The following IQSEC1 variants were observed in gnomAD, a reference collection of about 807,000 sequenced individuals.
The protein encoded by IQSEC1 is IQ motif and SEC7 domain-containing protein 1.
A neutral mutation model predicts 91.0 loss-of-function variants in IQSEC1; 31 were observed. The observed-to-expected ratio is 0.34, with a 90% CI of 0.26 to 0.46. The LOEUF is 0.46. IQSEC1 is among the 20% of genes least tolerant of loss of function. The pLI is 1.00. For missense variants in IQSEC1, 1,388 were observed against 1,575.6 expected, an observed-to-expected ratio of 0.88 and a Z score of 2.02; for synonymous variants, 699 against 662.6, an observed-to-expected ratio of 1.05 and a Z score of -0.84.
intron 1 of IQSEC1, among the ~76,000 whole-genome samples, chr3:13,023,129 T>C (rs537731343): frequency 4.9e-4 from 74 of 152,324 alleles, no homozygotes; most frequent in African/African-American, 1.7e-3. Flanking sequence ...GATTTGAACC[T>C]TGGCAGTCTG....
intron 1 of IQSEC1, among the ~76,000 whole-genome samples, chr3:13,215,972 A>C (rs1694539019): frequency 6.6e-6 from 1 of 152,228 alleles, no homozygotes; most frequent in African/African-American, 2.4e-5. Context: ...TCACAGCCAA[A>C]GTCTGCTTCT....
At chr3:13,133,752 A>C (rs1242322458) in intron 2 of IQSEC1, among the ~76,000 whole-genome samples, 1 of 152,242 alleles carries the variant, frequency 6.6e-6, no homozygotes, top group Non-Finnish European at 1.5e-5. Flanking sequence ...TCTCTCCCCA[A>C]GGGGATGCTG....
At chr3:12,950,996 G>A (rs1699507375) in intron 1 of IQSEC1, among the ~76,000 whole-genome samples, 1 of 152,158 alleles carries the variant, frequency 6.6e-6, no homozygotes, top group Non-Finnish European at 1.5e-5. Flanking sequence ...TGTAGTCCTG[G>A]CTACTCAGGA....
chr3:13,204,173 G>A lies in IQSEC1; in HGVS notation c.273-40040C>T, dbSNP rs28477332. 8.5e-5 allele frequency among the ~76,000 whole-genome samples: 13 copies of A among 152,276 alleles called. No individual in the cohort carries two copies. The East Asian group carries it at 2.5e-3, about 29-fold the overall frequency. ...CCAAGCCCAGGGAGAGCTGCGGAGA[G>A]CTGCGGAGAGCTGGGGCCCCGCGTG... On this transcript the variant is annotated intron_variant, in intron 1 of 15. Coordinates refer to the IQSEC1 transcript ENST00000648114.
intron 1 of IQSEC1, among the ~76,000 whole-genome samples, chr3:13,045,154 G>A (rs1033804531): frequency 6.6e-6 from 1 of 152,230 alleles, no homozygotes; most frequent in Non-Finnish European, 1.5e-5. Flanking sequence ...CTGCACCGCT[G>A]TTCCCACCAG....
At chr3:13,110,950 G>C (rs1706235416) in intron 2 of IQSEC1, among the ~76,000 whole-genome samples, 1 of 152,228 alleles carries the variant, frequency 6.6e-6, no homozygotes, top group African/African-American at 2.4e-5. Flanking sequence ...TACCGCACCA[G>C]CTGTCACCCC....
At chr3:13,045,246 C>T (rs1704451036) in intron 1 of IQSEC1, among the ~76,000 whole-genome samples, 1 of 152,230 alleles carries the variant, frequency 6.6e-6, no homozygotes, top group Non-Finnish European at 1.5e-5. Context: ...TGTCTATTCC[C>T]TTCACCTGGA....
At chr3:13,089,657 T>C (rs1277383848) in intron 2 of IQSEC1, among the ~76,000 whole-genome samples, 1 of 152,200 alleles carries the variant, frequency 6.6e-6, no homozygotes, top group South Asian at 2.1e-4. Flanking sequence ...AACATGATGC[T>C]AAGTTAAAGA....
At chr3:13,194,277 G>A (rs567768650) in intron 1 of IQSEC1, among the ~76,000 whole-genome samples, 1 of 152,260 alleles carries the variant, frequency 6.6e-6, no homozygotes, top group Admixed American at 6.5e-5. Context: ...AGAGGCAGGG[G>A]AGGTTGGGGT....
At position 13,193,861 on chromosome 3, in the gene IQSEC1, G is replaced by A. The variant is rs1694077869; in HGVS notation, c.273-29728C>T. On this transcript the variant is annotated intron_variant, in intron 1 of 15. Transcript: ENST00000648114. The surrounding 1 kb of genome is among the most constrained non-coding windows in gnomAD (Gnocchi z 4.2). ...GGCCAGCAGCTTCCAGTGTCCATCA[G>A]TCAACCGGGCTGACAAGGACCATGC... Among the ~76,000 whole-genome samples, 1 of 152,198 alleles carries A rather than the reference G, an allele frequency of 6.6e-6. No individual in the cohort carries two copies. The highest frequency in any genetic ancestry group is 1.5e-5 in the Non-Finnish European group (1 of 68,040).
rs540357349 is a variant in IQSEC1, at chr3:12,901,028, G to C, written c.3300C>G (p.Pro1100=). 15 of 1,543,786 alleles carry C rather than the reference G, an allele frequency of 9.7e-6. No homozygotes were observed. The highest frequency in any genetic ancestry group is 1.0e-5 in the Non-Finnish European group (12 of 1,146,674). ...CGCTGGGTTTGGCCTTGCTGCTGGT[G>C]GGGGGCGGCGGGGCAGGGGGCTGCC... The part of the protein sequence containing the change: ...HHGQPPAPPP[P]TSSKAKPSGI... The change falls in exon 14 of 14, where the codon CCC becomes CCG. Residue 1100 remains proline (P), a synonymous_variant. Coordinates refer to ENST00000613206, the MANE Select transcript of IQSEC1 (RefSeq NM_001134382.3).
chr3:12,963,821 T>C (rs1011808966), intron 1 of IQSEC1, among the ~76,000 whole-genome samples: 1 of 152,234 alleles, frequency 6.6e-6, no homozygotes, highest in African/African-American at 2.4e-5. Context: ...ATGTTTGTTG[T>C]GTGCATAAAG....
At chr3:13,044,002 G>A (rs1013727238) in intron 1 of IQSEC1, among the ~76,000 whole-genome samples, 3 of 152,186 alleles carry the variant, frequency 2.0e-5, no homozygotes, top group East Asian at 1.9e-4. Flanking sequence ...CCAGGCGGTC[G>A]GATGGGAGCT....
At chr3:13,267,604 C>CT (rs1292718661) in intron 1 of IQSEC1, among the ~76,000 whole-genome samples, 27 of 145,840 alleles carry the variant, frequency 1.9e-4, no homozygotes, top group African/African-American at 2.8e-4. Flanking sequence ...CAGCAAATTT[C>CT]TTTTTTTTTT....
chr3:13,226,954 G>C (rs907284357), intron 1 of IQSEC1, among the ~76,000 whole-genome samples: 10 of 152,122 alleles, frequency 6.6e-5, no homozygotes, highest in African/African-American at 2.4e-4. Flanking sequence ...AGTCCTCCCT[G>C]CTGCAGAGGG....
chr3:13,275,164 G>C (rs1250920580), intron 1 of IQSEC1, among the ~76,000 whole-genome samples: 3 of 152,356 alleles, frequency 2.0e-5, no homozygotes, highest in South Asian at 2.1e-4. Flanking sequence ...CATCAACAGA[G>C]ACATGGAGAA....
chr3:13,102,506 G>C (rs17832872), intron 2 of IQSEC1, among the ~76,000 whole-genome samples: 11,898 of 152,068 alleles, frequency 0.078, 575 homozygotes, highest in Middle Eastern at 0.24. Context: ...GCTCATCTGA[G>C]TAATAGGCGT....
intron 1 of IQSEC1, among the ~76,000 whole-genome samples, chr3:13,270,225 A>G (rs1695570368): frequency 6.6e-6 from 1 of 152,258 alleles, no homozygotes; most frequent in African/African-American, 2.4e-5. Flanking sequence ...CTGCAAAATG[A>G]GATATAATAA....
chr3:13,005,972 AGCAACTTAAGG>A (rs1261224022), intron 1 of IQSEC1, among the ~76,000 whole-genome samples: 2 of 152,208 alleles, frequency 1.3e-5, no homozygotes, highest in African/African-American at 4.8e-5. Flanking sequence ...GTCTGATATG[AGCAACTTAAGG>A]GCTCTTCAAG....
Sources: gnomAD v4.1 joint callset for allele counts (sites outside exome capture counted in the v4.1 genomes callset) on GRCh38, gnomAD v4.1.1 for gene constraint, Gnocchi (gnomAD v3.1) non-coding constraint, MANE v1.5 for transcripts, NCBI Gene and HGNC (gene_info 2026-07-23, HGNC 2026-07-21) for gene names.